The following EDIL3 variants were observed in gnomAD, a reference collection of about 807,000 sequenced individuals.
EDIL3 encodes the protein EGF like and discoidin domains 3.
In EDIL3, 37 loss-of-function variants were observed where a neutral mutation model predicts 67.4. That is an observed-to-expected ratio of 0.55 (90% CI 0.42 to 0.72). The LOEUF (loss-of-function observed/expected upper bound fraction) is 0.72. Ranked by LOEUF, EDIL3 falls within the 30% of genes least tolerant of loss-of-function variation. EDIL3 has a pLI of 0.00. For missense variants in EDIL3, 527 were observed against 586.3 expected, an observed-to-expected ratio of 0.90 and a Z score of 1.04; for synonymous variants, 195 against 196.3, an observed-to-expected ratio of 0.99 and a Z score of 0.05.
chr5:84,355,296 C>T (rs1310493138), intron 1 of EDIL3, among the ~76,000 whole-genome samples: 3 of 151,942 alleles, frequency 2.0e-5, no homozygotes, highest in Non-Finnish European at 4.4e-5. Context: ...CTTGTGTATG[C>T]TTCACGAAGT....
chr5:84,078,051 G>T (rs1746894877), intron 6 of EDIL3, among the ~76,000 whole-genome samples: 1 of 152,072 alleles, frequency 6.6e-6, no homozygotes, highest in Non-Finnish European at 1.5e-5. Flanking sequence ...ATCAAGTATT[G>T]GTGAAGTATT....
chr5:84,067,750 T>A (rs1037216997), intron 6 of EDIL3, among the ~76,000 whole-genome samples: 1 of 152,182 alleles, frequency 6.6e-6, no homozygotes, highest in Non-Finnish European at 1.5e-5. Context: ...CAAAGTCTCA[T>A]CTTCCCCGTT....
At chr5:84,155,364 T>C (rs2042255188) in intron 4 of EDIL3, among the ~76,000 whole-genome samples, 1 of 152,238 alleles carries the variant, frequency 6.6e-6, no homozygotes, top group South Asian at 2.1e-4. Flanking sequence ...TTGCTACTTT[T>C]GAGTTAACCT....
chr5:84,094,094 T>C (rs746331553), intron 6 of EDIL3, among the ~76,000 whole-genome samples: 1 of 152,226 alleles, frequency 6.6e-6, no homozygotes, highest in Non-Finnish European at 1.5e-5. Flanking sequence ...ACCACTACTA[T>C]AACTGTGGTA....
chr5:84,120,844 G>T (rs1331330651), intron 5 of EDIL3, among the ~76,000 whole-genome samples: 2 of 151,912 alleles, frequency 1.3e-5, no homozygotes, highest in South Asian at 2.1e-4. Flanking sequence ...GAAGCCTGTT[G>T]GGGTTAGAAA....
chr5:84,136,311 G>A (rs1748090607), intron 5 of EDIL3, among the ~76,000 whole-genome samples: 2 of 152,120 alleles, frequency 1.3e-5, no homozygotes, highest in Non-Finnish European at 2.9e-5. Flanking sequence ...TGTTGTTGTG[G>A]TGCTCAGATC....
intron 9 of EDIL3, among the ~76,000 whole-genome samples, chr5:84,007,030 T>C (rs577587115): frequency 6.6e-6 from 1 of 152,018 alleles, no homozygotes; most frequent in Non-Finnish European, 1.5e-5. Flanking sequence ...AGAACCTACA[T>C]TGGAGAAAAG....
At chr5:84,190,940 T>C (rs1298397027) in intron 3 of EDIL3, among the ~76,000 whole-genome samples, 1 of 151,980 alleles carries the variant, frequency 6.6e-6, no homozygotes, top group East Asian at 1.9e-4. Flanking sequence ...CATAAATGTG[T>C]GATGATTGAC....
chr5:83,963,423 T>C (rs1744639624), intron 9 of EDIL3, 63 bp from the exon 10 acceptor site: 3 of 1,511,142 alleles, frequency 2.0e-6, no homozygotes, highest in Non-Finnish European at 1.8e-6. Flanking sequence ...TCCAAGTCTT[T>C]TGATGTCAAG....
chr5:84,239,486 T>C lies in EDIL3; in HGVS notation c.197-9602A>G, dbSNP rs1486125675. On this transcript the variant is annotated intron_variant, in intron 2 of 10. Transcript: ENST00000296591. The stretch of plus-strand genomic sequence containing the variant: ...TAAGTTCTGGGGTACATATGCACAA[T>C]GTGCAGGTTTGTTACATATGTATAC... Among the ~76,000 whole-genome samples the C allele has an allele frequency of 3.3e-5, 5 of 152,110 alleles. No homozygotes were observed. The South Asian group carries it at 6.2e-4, about 19-fold the overall frequency.
intron 3 of EDIL3, among the ~76,000 whole-genome samples, chr5:84,183,735 A>G (rs1050851244): frequency 6.6e-6 from 1 of 152,188 alleles, no homozygotes; most frequent in African/African-American, 2.4e-5. Flanking sequence ...GCTCCTTCAC[A>G]CTTACAGGGT....
chr5:83,950,228 T>C (rs2112116173), intron 10 of EDIL3, among the ~76,000 whole-genome samples: 1 of 152,012 alleles, frequency 6.6e-6, no homozygotes, highest in South Asian at 2.1e-4. Flanking sequence ...AAACGATAAC[T>C]GTATGATAAT....
intron 1 of EDIL3, among the ~76,000 whole-genome samples, chr5:84,256,029 A>G (rs1282143304): frequency 6.6e-6 from 1 of 152,202 alleles, no homozygotes; most frequent in African/African-American, 2.4e-5. Context: ...TAAATTAAGA[A>G]GACAATCCTG....
chr5:83,969,616 T>G (rs563226033), intron 9 of EDIL3, among the ~76,000 whole-genome samples: 1 of 151,954 alleles, frequency 6.6e-6, no homozygotes, highest in African/African-American at 2.4e-5. Context: ...TGTTTCCTTA[T>G]AGACACTAAG....
At position 84,354,683 on chromosome 5, in the gene EDIL3, A is replaced by C. The variant is rs190019765; in HGVS notation, c.67+29625T>G. ...AAAAAAAAAAAAGCACTAAAAAATA[A>C]AATTAACTTTATAATTTTTTGTAGC... On this transcript the variant is annotated intron_variant, in intron 1 of 10. Transcript: ENST00000296591. 2.8e-3 allele frequency among the ~76,000 whole-genome samples: 428 copies of C among 152,098 alleles called. 2 individuals are homozygous for C. The highest frequency in any genetic ancestry group is 9.6e-3 in the African/African-American group (397 of 41,522).
intron 3 of EDIL3, among the ~76,000 whole-genome samples, chr5:84,194,881 T>C (rs560692330): frequency 1.3e-5 from 2 of 152,036 alleles, no homozygotes; most frequent in African/African-American, 4.8e-5. Context: ...ACGAAAGTTA[T>C]TAGACATTTT....
intron 2 of EDIL3, 131 bp from the exon 3 acceptor site, chr5:84,230,015 A>C: frequency 5.1e-6 from 4 of 782,660 alleles, no homozygotes; most frequent in Non-Finnish European, 7.9e-6. Flanking sequence ...CCAAACACTA[A>C]CTACAAGCCC....
rs543779515 is a variant in EDIL3 at position 84,145,900 on chromosome 5, T to C, written c.356-8546A>G. 1.4e-4 allele frequency among the ~76,000 whole-genome samples: 22 copies of C among 152,228 alleles called. No individual in the cohort carries two copies. The South Asian group carries it at 1.5e-3, about 10-fold the overall frequency. Reference sequence around the variant, plus strand: ...TCCCTATTTTTTCTTCCCTTTCCTATGAGCATTTTAATTTTCAGCATATGG... The same window carrying C: ...TCCCTATTTTTTCTTCCCTTTCCTACGAGCATTTTAATTTTCAGCATATGG... On this transcript the variant is annotated intron_variant, in intron 4 of 10. Transcript: ENST00000296591.
chr5:84,286,979 G>T (rs1745818995), intron 1 of EDIL3, among the ~76,000 whole-genome samples: 2 of 152,080 alleles, frequency 1.3e-5, no homozygotes, highest in Non-Finnish European at 2.9e-5. Context: ...CCTCTTTCAT[G>T]GTTTAGATAA....
Sources: allele counts gnomAD v4.1 joint callset (sites outside exome capture counted in the v4.1 genomes callset), GRCh38; gene constraint gnomAD v4.1.1; transcripts MANE v1.5; gene names NCBI Gene and HGNC (gene_info 2026-07-23, HGNC 2026-07-21).